The following ABCG5 variants were observed in gnomAD, a reference collection of about 807,000 sequenced individuals.
ABCG5 encodes the protein ATP binding cassette subfamily G member 5, also known as ATP-binding cassette sub-family G member 5.
Under a neutral mutation model 64.5 loss-of-function variants are expected in ABCG5, and 64 were observed. The observed-to-expected ratio is 0.99, with a 90% confidence interval of 0.81 to 1.22. The LOEUF is 1.22. Among genes scored for constraint, ABCG5 ranks in the 50% most tolerant of loss-of-function variants. The pLI is 0.00. For missense variants in ABCG5, 908 were observed against 829.5 expected, an observed-to-expected ratio of 1.09 and a Z score of -1.16; for synonymous variants, 385 against 326.3, an observed-to-expected ratio of 1.18 and a Z score of -1.94.
downstream of ABCG5, among the ~76,000 whole-genome samples, chr2:43,811,452 G>T (rs1666476351): frequency 6.6e-6 from 1 of 152,100 alleles, no homozygotes; most frequent in Non-Finnish European, 1.5e-5. Context: ...CACAAGTTAG[G>T]TCACAGTCAG....
downstream of ABCG5, among the ~76,000 whole-genome samples, chr2:43,810,677 A>G (rs1666450492): frequency 6.6e-6 from 1 of 152,178 alleles, no homozygotes; most frequent in South Asian, 2.1e-4. Context: ...TATTGCAATG[A>G]ACTAGGACTT....
intron 2 of ABCG5, among the ~76,000 whole-genome samples, chr2:43,837,362 C>A (rs1668342738): frequency 6.6e-6 from 1 of 152,216 alleles, no homozygotes; most frequent in Middle Eastern, 3.4e-3. Flanking sequence ...CTCAAGCAAT[C>A]CTCTCACCTC....
chr2:43,824,523 A>C, intron 7 of ABCG5, 91 bp from the exon 8 acceptor site: 1 of 1,596,190 alleles, frequency 6.3e-7, no homozygotes, highest in Non-Finnish European at 8.5e-7. Flanking sequence ...ACTGGCCATA[A>C]TACCTCATCC....
At chr2:43,826,658 C>T (rs572257725) in intron 5 of ABCG5, 137 bp from the exon 6 acceptor site, 3 of 1,369,932 alleles carry the variant, frequency 2.2e-6, no homozygotes, top group African/African-American at 2.8e-5. Flanking sequence ...AACATGTAAA[C>T]TGGCTTTCAG....
intron 2 of ABCG5, among the ~76,000 whole-genome samples, chr2:43,835,173 A>G (rs1271871330): frequency 1.3e-5 from 2 of 151,760 alleles, no homozygotes; most frequent in Non-Finnish European, 2.9e-5. Context: ...ATCAGAAATC[A>G]GCCCACTCCC....
At chr2:43,832,421 T>G in intron 2 of ABCG5, 1 of 420,140 alleles carries the variant, frequency 2.4e-6, no homozygotes, top group Non-Finnish European at 4.4e-6. Flanking sequence ...CTTATAGGTA[T>G]CAGAATAAGA....
At position 43,813,153 on chromosome 2, in the gene ABCG5, A is replaced by G. The variant is rs192910356; in HGVS notation, c.1919T>C (p.Val640Ala). 2 of 1,457,574 alleles carry G rather than the reference A, an allele frequency of 1.4e-6. No individual in the cohort carries two copies. Among genetic ancestry groups the G allele is most frequent in the Non-Finnish European group, 9.6e-7 (1 of 1,037,842 alleles). The allele number at this position is 1,457,574 out of a possible 1,614,324, so 90.3% of individuals were successfully genotyped here. A position where few individuals can be genotyped will look rare whatever the true frequency, so the allele number is the denominator to read the frequency against. The change falls in exon 13 of 13, where the codon GTT (valine) becomes GCT (alanine). Residue 640 changes from valine to alanine, a missense_variant. Transcript: ENST00000405322. ...GAGATGATCCCTTATTTTGAAAACA[A>G]CTATTCCTAGGATGACAAGAGCTGG... ...FIPALVILGIVVFKIRDHLIS... is the reference protein window; with the variant it reads ...FIPALVILGIAVFKIRDHLIS...
chr2:43,832,066 G>C lies in ABCG5; in HGVS notation c.283C>G (p.Leu95Val). ...LGSSGSGKTT[L>V]LDAMSGRLGR... ...AGCCTCCCGGACATGGCGTCCAGCAGCGTGGTTTTCCCGGAGCCTGCGGGG... is the reference window on the plus strand; with the variant it reads ...AGCCTCCCGGACATGGCGTCCAGCACCGTGGTTTTCCCGGAGCCTGCGGGG... Residue 95 changes from leucine (L) to valine (V), a missense_variant, in exon 3 of 13, where the codon CTG (leucine) becomes GTG (valine). Physicochemically the swap from Leu to Val is conservative, Grantham distance 32 (BLOSUM62 1). Coordinates refer to ENST00000405322, the MANE Select transcript of ABCG5 (RefSeq NM_022436.3). The C allele has an allele frequency of 6.3e-7, 1 of 1,582,962 alleles. No individual in the cohort carries two copies.
intron 2 of ABCG5, among the ~76,000 whole-genome samples, chr2:43,833,515 TG>T (rs1435966449): frequency 6.6e-6 from 1 of 151,234 alleles, no homozygotes; most frequent in African/African-American, 2.4e-5. Context: ...CCTGAGTAGC[TG>T]GGACTGCAGG....
intron 10 of ABCG5, 96 bp from the exon 11 acceptor site, chr2:43,820,196 G>T: frequency 6.9e-7 from 1 of 1,455,886 alleles, no homozygotes; most frequent in Non-Finnish European, 9.4e-7. Flanking sequence ...TGTGGTGAGT[G>T]GGTGGGAGAA....
Position 43,826,353 on chromosome 2 carries a change from A to T in ABCG5, c.774+29T>A, listed in dbSNP as rs1455649623. ...TGATTCCCAGCTCAACACACCATAG[A>T]CCCGGCCTTTACGAGTTGAACCTCT... On this transcript the variant is annotated intron_variant, in intron 6 of 12. Coordinates refer to ENST00000405322, the MANE Select transcript of ABCG5 (RefSeq NM_022436.3). 1.9e-6 allele frequency: 3 copies of T among 1,612,508 alleles called. 1 individual carries two copies. Among genetic ancestry groups the T allele is most frequent in the South Asian group, 2.2e-5 (2 of 90,996 alleles).
chr2:43,838,795 C>G lies in ABCG5; in HGVS notation c.-116G>C. The G allele has an allele frequency of 6.5e-7, 1 of 1,544,180 alleles. No individual in the cohort carries two copies. The highest frequency in any genetic ancestry group is 2.0e-5 in the Admixed American group (1 of 51,222). On this transcript the variant is annotated 5_prime_UTR_variant, in exon 1 of 13. Coordinates refer to ENST00000405322, the MANE Select transcript of ABCG5 (RefSeq NM_022436.3). The surrounding 1 kb of genome is among the most constrained non-coding windows in gnomAD (Gnocchi z 4.2). ...GCCTGCTCCACCTGACCCCGGAGTCCCTTGGGACAGCAGGACTGGGACTTG... is the reference window on the plus strand; with the variant it reads ...GCCTGCTCCACCTGACCCCGGAGTCGCTTGGGACAGCAGGACTGGGACTTG...
Position 43,838,433 on chromosome 2 carries a change from G to C in ABCG5, c.143+104C>G. On this transcript the variant is annotated intron_variant, in intron 1 of 12. Coordinates refer to ENST00000405322, the MANE Select transcript of ABCG5 (RefSeq NM_022436.3). The surrounding 1 kb of genome is among the most constrained non-coding windows in gnomAD (Gnocchi z 4.2). ...ACCCGATCCACTAAAGAGGGAGCCC[G>C]AAGTGCCCAGACTGGCACTTAAAGA... The C allele has an allele frequency of 8.6e-7, 1 of 1,157,966 alleles. No homozygotes were observed. The highest frequency in any genetic ancestry group is 1.4e-5 in the South Asian group (1 of 70,898). The allele number at this position is 1,157,966 out of a possible 1,614,324, so 71.7% of individuals were successfully genotyped here. A position where few individuals can be genotyped will look rare whatever the true frequency, so the allele number is the denominator to read the frequency against.
chr2:43,809,679 T>C, downstream of ABCG5: 1 of 1,569,630 alleles, frequency 6.4e-7, no homozygotes, highest in Non-Finnish European at 8.7e-7. Context: ...TGATTTTTCT[T>C]AAAGTGATAC....
chr2:43,807,878 C>T (rs1221024215), downstream of ABCG5, among the ~76,000 whole-genome samples: 1 of 151,494 alleles, frequency 6.6e-6, no homozygotes, highest in South Asian at 2.1e-4. Context: ...TATTTTGAGG[C>T]CGTATCATTG....
At chr2:43,828,472 CAAAAA>C (rs754944007) in intron 4 of ABCG5, 274 of 189,394 alleles carry the variant, frequency 1.4e-3, no homozygotes, top group East Asian at 2.4e-3. Context: ...CCTGTCTCTA[CAAAAA>C]AAAAAAAAAA....
chr2:43,823,996 C>T lies in ABCG5; in HGVS notation c.1241G>A (p.Gly414Asp), dbSNP rs763515494. ...GAGACCTACGCGGTCCTGGATAGCA[C>T]CCTTTAGCACATTGCTTCGGACCCG... is the stretch of plus-strand genomic sequence containing the variant. Reference protein sequence around the residue: ...VLRVRSNVLKGAIQDRVGLLY... With the variant: ...VLRVRSNVLKDAIQDRVGLLY... The change falls in exon 9 of 13, where the codon GGT (glycine) becomes GAT (aspartate). Residue 414 changes from glycine (G) to aspartate (D), a missense_variant. Transcript: ENST00000405322. 5.0e-6 allele frequency: 8 copies of T among 1,614,200 alleles called. No individual in the cohort carries two copies. The highest frequency in any genetic ancestry group is 5.9e-6 in the Non-Finnish European group (7 of 1,180,050).
chr2:43,826,317 C>T (rs916653445), intron 6 of ABCG5, 65 bp downstream of exon 6: 1 of 1,610,018 alleles, frequency 6.2e-7, no homozygotes, highest in African/African-American at 1.3e-5. Context: ...CAAATCTTGC[C>T]CCTGCCCCTG....
Position 43,824,050 on chromosome 2 carries a change from A to C in ABCG5, c.1187T>G (p.Met396Arg). The C allele has an allele frequency of 6.2e-7, 1 of 1,614,214 alleles. No individual in the cohort carries two copies. The highest frequency in any genetic ancestry group is 8.5e-7 in the Non-Finnish European group (1 of 1,180,030). Reference sequence around the variant, plus strand: ...AACGAAGAAAAGGAGGAACAAACCCATGATCAGATTCTGAAGGAGACGCGT... The same window carrying C: ...AACGAAGAAAAGGAGGAACAAACCCCTGATCAGATTCTGAAGGAGACGCGT... ...VITRLLQNLI[M>R]GLFLLFFVLR... The change falls in exon 9 of 13, where the codon ATG becomes AGG. Residue 396 changes from methionine to arginine, a missense_variant. By Grantham distance (91) the Met-to-Arg change is moderately conservative (BLOSUM62 -1). Coordinates refer to ENST00000405322, the MANE Select transcript of ABCG5 (RefSeq NM_022436.3).
Sources: gnomAD v4.1 joint callset for allele counts (sites outside exome capture counted in the v4.1 genomes callset) on GRCh38, gnomAD v4.1.1 for gene constraint, Gnocchi (gnomAD v3.1) non-coding constraint, MANE v1.5 for transcripts, NCBI Gene and HGNC (gene_info 2026-07-23, HGNC 2026-07-21) for gene names.